Variants in TOX observed in about 807,000 individuals in gnomAD.
The protein encoded by TOX is thymocyte selection-associated high mobility group box protein TOX.
TOX carries 11 observed loss-of-function variants against 53.7 expected under a neutral mutation model. That is an observed-to-expected ratio of 0.20 (90% CI 0.13 to 0.34). The LOEUF is 0.34. Ranked by LOEUF, TOX falls within the 10% of genes least tolerant of loss-of-function variation. TOX has a pLI of 1.00. For missense variants in TOX, 570 were observed against 664.6 expected (o/e 0.86, Z 1.56); for synonymous variants, 225 against 245.3 (o/e 0.92, Z 0.77).
chr8:58,970,943 G>T (rs1454607853), intron 1 of TOX, among the ~76,000 whole-genome samples: 1 of 152,178 alleles, frequency 6.6e-6, no homozygotes, highest in Non-Finnish European at 1.5e-5. Flanking sequence ...AAAAGTTTCT[G>T]TAAACCAGAT....
At chr8:58,926,471 T>C (rs1452149650) in intron 3 of TOX, among the ~76,000 whole-genome samples, 1 of 152,210 alleles carries the variant, frequency 6.6e-6, no homozygotes, top group Non-Finnish European at 1.5e-5. Context: ...TACCACTCTA[T>C]GTTAATTTCT....
chr8:58,901,958 T>A (rs1811739985), intron 3 of TOX, among the ~76,000 whole-genome samples: 1 of 152,232 alleles, frequency 6.6e-6, no homozygotes, highest in Non-Finnish European at 1.5e-5. Flanking sequence ...ATCTTCCACA[T>A]TGTTGTCCAA....
chr8:58,975,862 A>G (rs1488444420), intron 1 of TOX, among the ~76,000 whole-genome samples: 1 of 152,156 alleles, frequency 6.6e-6, no homozygotes, highest in Non-Finnish European at 1.5e-5. Flanking sequence ...TCACAAGGTC[A>G]AGAGATCGAG....
intron 3 of TOX, among the ~76,000 whole-genome samples, chr8:58,877,065 A>C (rs565225267): frequency 1.3e-5 from 2 of 152,344 alleles, no homozygotes; most frequent in African/African-American, 4.8e-5. Flanking sequence ...TGGAGACTGT[A>C]TTTTGACTAA....
At chr8:59,076,830 T>G (rs13281502) in intron 1 of TOX, among the ~76,000 whole-genome samples, 1 of 152,210 alleles carries the variant, frequency 6.6e-6, no homozygotes, top group African/African-American at 2.4e-5. Context: ...CCTTACACTG[T>G]TCTCTAGTTG....
At chr8:58,963,347 A>ATAGG (rs1812836506) in intron 1 of TOX, among the ~76,000 whole-genome samples, 1 of 151,004 alleles carries the variant, frequency 6.6e-6, no homozygotes, top group African/African-American at 2.4e-5. Flanking sequence ...AGATAGGTAG[A>ATAGG]TAGATAGACA....
At chr8:58,913,345 T>C (rs1290228915) in intron 3 of TOX, among the ~76,000 whole-genome samples, 2 of 152,108 alleles carry the variant, frequency 1.3e-5, no homozygotes, top group African/African-American at 2.4e-5. Context: ...AAAATAAAAT[T>C]GAAAATTTTA....
intron 1 of TOX, among the ~76,000 whole-genome samples, chr8:59,072,361 C>T (rs892506115): frequency 6.6e-6 from 1 of 152,200 alleles, no homozygotes; most frequent in African/African-American, 2.4e-5. Flanking sequence ...AGAAACAGTG[C>T]TGAATTTCCT....
chr8:58,842,619 G>A (rs1032757568), intron 4 of TOX, among the ~76,000 whole-genome samples: 6 of 152,118 alleles, frequency 3.9e-5, no homozygotes, highest in Admixed American at 3.3e-4. Context: ...AGTATGGTAC[G>A]GGCTTTAGAT....
At chr8:59,012,967 T>C (rs1813936891) in intron 1 of TOX, among the ~76,000 whole-genome samples, 1 of 151,628 alleles carries the variant, frequency 6.6e-6, no homozygotes, top group Non-Finnish European at 1.5e-5. Context: ...CAGGAAACAC[T>C]GGTGACAAAT....
intron 1 of TOX, among the ~76,000 whole-genome samples, chr8:59,107,992 A>G (rs1452755580): frequency 6.6e-6 from 1 of 152,148 alleles, no homozygotes; most frequent in East Asian, 1.9e-4. Context: ...ATCTCACATA[A>G]TCTTTTGTCA....
In TOX at chr8:59,107,048, G is replaced by GC. The variant is rs1554547191; in HGVS notation, c.102+11837_102+11838insG. On this transcript the variant is annotated intron_variant, in intron 1 of 8. Transcript: ENST00000361421. ...AATGATCTTATAAAGCAGTTTGCTG[G>GC]GGGGGGGGGGAACGTGACATTTCTA... Among the ~76,000 whole-genome samples, 121 of 96,722 alleles carry GC rather than the reference G, an allele frequency of 1.3e-3. 16 individuals carry two copies. In the East Asian group the frequency reaches 0.032, roughly 26 times the overall value. The allele number at this position is 96,722 out of a possible 152,430, so 63.5% of individuals were successfully genotyped here.
intron 6 of TOX, among the ~76,000 whole-genome samples, chr8:58,816,077 G>A (rs774744566): frequency 7.2e-5 from 11 of 152,208 alleles, no homozygotes; most frequent in Non-Finnish European, 1.2e-4. Context: ...GGAAACACAC[G>A]TGAAGATTAC....
At chr8:59,007,671 T>TA (rs942193713) in intron 1 of TOX, among the ~76,000 whole-genome samples, 36 of 151,878 alleles carry the variant, frequency 2.4e-4, no homozygotes, top group Non-Finnish European at 4.7e-4. Context: ...GGGGGGGAAA[T>TA]AAAAAAATAC....
intron 1 of TOX, among the ~76,000 whole-genome samples, chr8:59,063,859 G>C (rs1042740363): frequency 6.6e-6 from 1 of 151,964 alleles, no homozygotes; most frequent in Admixed American, 6.6e-5. Flanking sequence ...GTAAAGAAAA[G>C]CATTTCTAAT....
intron 2 of TOX, among the ~76,000 whole-genome samples, chr8:58,939,988 T>A (rs1372746690): frequency 3.3e-5 from 5 of 152,194 alleles, no homozygotes; most frequent in African/African-American, 1.2e-4. Context: ...CAATTGCTTT[T>A]GGGTTTTGAA....
intron 1 of TOX, among the ~76,000 whole-genome samples, chr8:58,998,308 G>T: frequency 6.6e-6 from 1 of 150,752 alleles, no homozygotes; most frequent in Non-Finnish European, 1.5e-5. Context: ...GGCCAACATG[G>T]TGAAACCCCA....
intron 1 of TOX, among the ~76,000 whole-genome samples, chr8:58,967,625 C>T (rs541715143): frequency 1.3e-5 from 2 of 152,208 alleles, no homozygotes; most frequent in African/African-American, 2.4e-5. Context: ...TCTGAGAGTG[C>T]AGGGAAATTT....
In TOX at chr8:58,977,191, T is replaced by C. The variant is rs189368109; in HGVS notation, c.103-17183A>G. Among the ~76,000 whole-genome samples the C allele has an allele frequency of 1.6e-4, 25 of 152,382 alleles. No individual in the cohort carries two copies. In the East Asian group the frequency reaches 4.0e-3, roughly 25 times the overall value. On this transcript the variant is annotated intron_variant, in intron 1 of 8. Transcript: ENST00000361421. ...TAGCTAGTTCTTCTGAATAACTTAC[T>C]GCAGCTTCTACGTCAGCACTTGCTG...
Sources: gnomAD v4.1 joint callset for allele counts (sites outside exome capture counted in the v4.1 genomes callset) on GRCh38, gnomAD v4.1.1 for gene constraint, MANE v1.5 for transcripts, NCBI Gene and HGNC (gene_info 2026-07-23, HGNC 2026-07-21) for gene names.